The following HIVEP3 variants were observed in gnomAD, a reference collection of about 807,000 sequenced individuals.
HIVEP3 encodes the protein HIVEP zinc finger 3.
HIVEP3 carries 49 observed loss-of-function variants against 152.8 expected under a neutral mutation model. The observed-to-expected ratio is 0.32, with a 90% CI of 0.26 to 0.41. HIVEP3 has a LOEUF of 0.41. Among genes scored for constraint, HIVEP3 ranks in the 10% least tolerant of loss-of-function variants. The pLI is 1.00. For synonymous variants in HIVEP3, 1,269 were observed against 1,289.0 expected (o/e 0.98, Z 0.33); for missense variants, 2,790 against 3,103.3 (o/e 0.90, Z 2.40).
At chr1:41,607,144 G>A (rs1398537559) in intron 3 of HIVEP3, among the ~76,000 whole-genome samples, 1 of 152,104 alleles carries the variant, frequency 6.6e-6, no homozygotes, top group African/African-American at 2.4e-5. Flanking sequence ...TCAACTGAGA[G>A]GAAATTTCTT....
chr1:41,715,319 A>C (rs1646574847), intron 1 of HIVEP3, among the ~76,000 whole-genome samples: 1 of 152,176 alleles, frequency 6.6e-6, no homozygotes, highest in South Asian at 2.1e-4. Context: ...GCGGCTTGGC[A>C]GATCTGGGCA....
At chr1:41,676,849 C>A (rs1189181005) in intron 2 of HIVEP3, among the ~76,000 whole-genome samples, 1 of 152,176 alleles carries the variant, frequency 6.6e-6, no homozygotes, top group East Asian at 1.9e-4. Context: ...CCAATCACAG[C>A]ACCTCCCTAG....
At chr1:41,687,778 T>C (rs116463760) in intron 2 of HIVEP3, among the ~76,000 whole-genome samples, 2,048 of 152,348 alleles carry the variant, frequency 0.013, 46 homozygotes, top group African/African-American at 0.047. Flanking sequence ...ATAAAACAAT[T>C]CCCATATCTG....
At chr1:41,719,592 A>G (rs955061578) in intron 1 of HIVEP3, among the ~76,000 whole-genome samples, 1 of 152,212 alleles carries the variant, frequency 6.6e-6, no homozygotes, top group Non-Finnish European at 1.5e-5. Flanking sequence ...TGGCTGCTCC[A>G]CATCACTCAG....
At chr1:41,896,855 T>C (rs1289515152) in intron 1 of HIVEP3, among the ~76,000 whole-genome samples, 2 of 152,154 alleles carry the variant, frequency 1.3e-5, no homozygotes, top group Non-Finnish European at 2.9e-5. Flanking sequence ...ATTACAGTTG[T>C]GAGCCACTGC....
At position 41,851,276 on chromosome 1, in the gene HIVEP3, CCTT is replaced by C. The variant is rs1553122668; in HGVS notation, c.-801+67134_-801+67136del. Reference sequence around the variant, plus strand: ...TGTACAGAAGAATGATGAGAGAGCACCTTCTTCTTCTTCTTTTTTTTTTTTTTT... The same window carrying C: ...TGTACAGAAGAATGATGAGAGAGCACCTTCTTCTTCTTTTTTTTTTTTTTT... On this transcript the variant is annotated intron_variant, in intron 1 of 8. Transcript: ENST00000372583. Among the ~76,000 whole-genome samples the C allele has an allele frequency of 1.8e-3, 252 of 138,416 alleles. 4 individuals are homozygous for C. Among genetic ancestry groups the C allele is most frequent in the African/African-American group, 6.4e-3 (232 of 36,434 alleles). The allele number at this position is 138,416 out of a possible 152,430, so 90.8% of individuals were successfully genotyped here.
intron 1 of HIVEP3, among the ~76,000 whole-genome samples, chr1:41,748,472 C>T (rs1210431806): frequency 6.6e-6 from 1 of 152,198 alleles, no homozygotes; most frequent in Non-Finnish European, 1.5e-5. Context: ...CACTCACCTG[C>T]ACAAAGCAAT....
chr1:41,645,281 G>C (rs972228665), intron 2 of HIVEP3, among the ~76,000 whole-genome samples: 5 of 152,180 alleles, frequency 3.3e-5, no homozygotes, highest in African/African-American at 1.2e-4. Flanking sequence ...CCCAAGGGAG[G>C]GCTGACTGCA....
chr1:42,011,992 G>GTA (rs1645495152), intron 1 of HIVEP3, among the ~76,000 whole-genome samples: 1 of 152,170 alleles, frequency 6.6e-6, no homozygotes, highest in Admixed American at 6.5e-5. Flanking sequence ...AGTGACATAG[G>GTA]GATGTCCCTG....
intron 1 of HIVEP3, among the ~76,000 whole-genome samples, chr1:41,984,422 A>G (rs2124512079): frequency 6.6e-6 from 1 of 152,358 alleles, no homozygotes; most frequent in Middle Eastern, 3.4e-3. Context: ...AGAGATTGAA[A>G]CTGTCATATC....
intron 1 of HIVEP3, among the ~76,000 whole-genome samples, chr1:41,949,803 C>G (rs1043537948): frequency 2.6e-5 from 4 of 152,192 alleles, no homozygotes; most frequent in African/African-American, 9.7e-5. Context: ...CAGTCCATAA[C>G]TAAAATCTAC....
chr1:41,556,235 C>T (rs918590261), intron 5 of HIVEP3, among the ~76,000 whole-genome samples: 13 of 152,170 alleles, frequency 8.5e-5, no homozygotes, highest in African/African-American at 2.2e-4. Flanking sequence ...CACCATTTCA[C>T]GCTCCCACCA....
chr1:41,517,412 C>T (rs560368441), intron 7 of HIVEP3, among the ~76,000 whole-genome samples: 18 of 152,292 alleles, frequency 1.2e-4, no homozygotes, highest in Non-Finnish European at 2.2e-4. Flanking sequence ...TGGGGGGGAA[C>T]AGCCCCAAGT....
At chr1:41,955,780 A>G (rs1645137292) in intron 1 of HIVEP3, among the ~76,000 whole-genome samples, 1 of 152,258 alleles carries the variant, frequency 6.6e-6, no homozygotes, top group Admixed American at 6.5e-5. Flanking sequence ...CCCATTGAGC[A>G]GAGGCATAAT....
chr1:41,810,327 C>T (rs1250359619), intron 1 of HIVEP3, among the ~76,000 whole-genome samples: 1 of 152,250 alleles, frequency 6.6e-6, no homozygotes, highest in Non-Finnish European at 1.5e-5. Context: ...CGATCAACCA[C>T]TTGTAAGAAA....
chr1:41,791,330 A>G (rs140788724), intron 1 of HIVEP3, among the ~76,000 whole-genome samples: 213 of 152,304 alleles, frequency 1.4e-3, no homozygotes, highest in Admixed American at 3.3e-3. Context: ...GCTGAAACAG[A>G]GCATTTTGTT....
chr1:41,545,023 C>CCATCGCTACCAT (rs1643697289), intron 5 of HIVEP3, among the ~76,000 whole-genome samples: 1 of 100,844 alleles, frequency 9.9e-6, no homozygotes. Flanking sequence ...ACCACTACCA[C>CCATCGCTACCAT]CACCACCACC....
chr1:41,523,374 G>A (rs1343016320), intron 6 of HIVEP3, among the ~76,000 whole-genome samples: 2 of 152,210 alleles, frequency 1.3e-5, no homozygotes, highest in Non-Finnish European at 2.9e-5. Context: ...GAGAGAAGAG[G>A]ATGGGGGAAA....
At chr1:41,963,035 G>A (rs1038430222) in intron 1 of HIVEP3, among the ~76,000 whole-genome samples, 2 of 151,788 alleles carry the variant, frequency 1.3e-5, no homozygotes, top group South Asian at 2.1e-4. Context: ...TTTTTGAGAC[G>A]GAGTCTCGCT....
Sources: gnomAD v4.1 joint callset for allele counts (sites outside exome capture counted in the v4.1 genomes callset) on GRCh38, gnomAD v4.1.1 for gene constraint, MANE v1.5 for transcripts, NCBI Gene and HGNC (gene_info 2026-07-23, HGNC 2026-07-21) for gene names.